The following SINHCAF variants were observed in gnomAD, a reference collection of about 807,000 sequenced individuals.
SINHCAF encodes SIN3-HDAC complex-associated factor.
A neutral mutation model predicts 25.8 loss-of-function variants in SINHCAF; 3 were observed. The ratio of observed to expected loss-of-function variants is 0.12; its 90% CI spans 0.05 to 0.30. SINHCAF has a LOEUF of 0.30. Among genes scored for constraint, SINHCAF ranks in the 10% least tolerant of loss-of-function variants. SINHCAF has a pLI of 1.00. For missense variants in SINHCAF, 121 were observed against 262.3 expected (o/e 0.46, Z 3.72); for synonymous variants, 70 against 85.5 (o/e 0.82, Z 1.00).
chr12:31,299,040 A>T (rs973915435), intron 1 of SINHCAF, among the ~76,000 whole-genome samples: 1 of 135,594 alleles, frequency 7.4e-6, no homozygotes, highest in African/African-American at 3.0e-5. Flanking sequence ...TCCTCCTGTT[A>T]AAAAAAAAAA....
At chr12:31,309,904 T>C (rs563282657) in intron 1 of SINHCAF, among the ~76,000 whole-genome samples, 1 of 152,170 alleles carries the variant, frequency 6.6e-6, no homozygotes, top group Admixed American at 6.5e-5. Flanking sequence ...CGAGCTCAGG[T>C]GATCCACCTG....
At chr12:31,302,646 CAG>C (rs911637169) in intron 1 of SINHCAF, among the ~76,000 whole-genome samples, 55 of 151,718 alleles carry the variant, frequency 3.6e-4, no homozygotes, top group African/African-American at 1.3e-3. Context: ...TTTTTTTAAA[CAG>C]GGGGATACCT....
At chr12:31,304,332 A>C (rs1938938750) in intron 1 of SINHCAF, 1 of 152,240 alleles carries the variant, frequency 6.6e-6, no homozygotes. Context: ...AAAGGCCTGC[A>C]TAAGCATGAT....
chr12:31,314,582 A>G (rs561894367), intron 1 of SINHCAF, among the ~76,000 whole-genome samples: 4 of 152,186 alleles, frequency 2.6e-5, no homozygotes, highest in African/African-American at 4.8e-5. Flanking sequence ...GGAGGCCCAA[A>G]GAGAGGTACT....
intron 1 of SINHCAF, chr12:31,323,984 T>G: frequency 2.2e-6 from 1 of 455,874 alleles, no homozygotes; most frequent in African/African-American, 2.0e-5. Flanking sequence ...CTCCGGTGAC[T>G]GCCGAGAGAG....
chr12:31,288,568 C>G (rs960360194), intron 4 of SINHCAF, among the ~76,000 whole-genome samples: 1 of 152,158 alleles, frequency 6.6e-6, no homozygotes, highest in African/African-American at 2.4e-5. Context: ...GGAGCCTCCC[C>G]CTCCCCCCAA....
chr12:31,324,018 G>T lies in SINHCAF; in HGVS notation c.-21+2006C>A, dbSNP rs754157048. Reference sequence around the variant, plus strand: ...AGACGCCGAGCCAGCAAGTAAGAATGCTCCCTGGTGGATTTGTTGGTAAAT... The same window carrying T: ...AGACGCCGAGCCAGCAAGTAAGAATTCTCCCTGGTGGATTTGTTGGTAAAT... On this transcript the variant is annotated intron_variant, in intron 1 of 5. Transcript: ENST00000337682. This position sits in a 1 kb window ranked among gnomAD's most constrained non-coding sequence, Gnocchi z 5.5. 4 of 455,558 alleles carry T rather than the reference G, an allele frequency of 8.8e-6. No homozygotes were observed. The highest frequency in any genetic ancestry group is 6.2e-5 in the South Asian group (4 of 64,542). The allele number at this position is 455,558 out of a possible 1,614,324, so 28.2% of individuals were successfully genotyped here.
rs1341685801 is a variant in SINHCAF, at chr12:31,324,012, A to G, written c.-21+2012T>C. ...CGAGAGAGACGCCGAGCCAGCAAGT[A>G]AGAATGCTCCCTGGTGGATTTGTTG... On this transcript the variant is annotated intron_variant, in intron 1 of 5. Transcript: ENST00000337682. The surrounding 1 kb of genome is among the most constrained non-coding windows in gnomAD (Gnocchi z 5.5). 1 of 452,766 alleles carries G rather than the reference A, an allele frequency of 2.2e-6. No homozygotes were observed. Among genetic ancestry groups the G allele is most frequent in the Non-Finnish European group, 4.4e-6 (1 of 226,694 alleles). The allele number at this position is 452,766 out of a possible 1,614,324, so 28.0% of individuals were successfully genotyped here.
At chr12:31,296,688 T>C (rs1337054453) in intron 2 of SINHCAF, among the ~76,000 whole-genome samples, 3 of 151,832 alleles carry the variant, frequency 2.0e-5, no homozygotes, top group Non-Finnish European at 4.4e-5. Context: ...ATCCTGTATC[T>C]ACAAAAAAAT....
intron 1 of SINHCAF, chr12:31,303,991 G>C (rs907482998): frequency 2.0e-5 from 3 of 152,128 alleles, no homozygotes; most frequent in Non-Finnish European, 4.4e-5. Context: ...CTACTGCACA[G>C]ACTCCTTGTC....
At chr12:31,315,191 A>C (rs1268098311) in intron 1 of SINHCAF, among the ~76,000 whole-genome samples, 3 of 152,198 alleles carry the variant, frequency 2.0e-5, no homozygotes, top group Admixed American at 2.0e-4. Context: ...GCAATAGTTG[A>C]GAATTTGGTT....
intron 1 of SINHCAF, among the ~76,000 whole-genome samples, chr12:31,312,356 T>TTG (rs369449635): frequency 8.6e-4 from 128 of 149,688 alleles, no homozygotes; most frequent in African/African-American, 1.8e-3. Flanking sequence ...TTTACGTATT[T>TTG]TGTGTGTGTG....
chr12:31,302,228 A>G (rs1009151437), intron 1 of SINHCAF, among the ~76,000 whole-genome samples: 5 of 152,048 alleles, frequency 3.3e-5, no homozygotes, highest in African/African-American at 1.2e-4. Flanking sequence ...TAAAATACTG[A>G]TTATGAACTG....
intron 1 of SINHCAF, among the ~76,000 whole-genome samples, chr12:31,305,943 G>A (rs917197311): frequency 6.6e-6 from 1 of 152,050 alleles, no homozygotes; most frequent in Non-Finnish European, 1.5e-5. Context: ...CAGGTGATCC[G>A]CCCGCCTCGG....
rs961748339 is a variant in SINHCAF, at chr12:31,281,232, T to G, written c.*1480A>C. The G allele has an allele frequency of 1.3e-5, 2 of 152,186 alleles. No homozygotes were observed. Among genetic ancestry groups the G allele is most frequent in the Non-Finnish European group, 2.9e-5 (2 of 68,028 alleles). 9.4% of individuals were successfully genotyped at this position (152,186 alleles called of 1,614,324 possible). A position where few individuals can be genotyped will look rare whatever the true frequency, so the allele number is the denominator to read the frequency against. ...AAAGAGGCAGTAAGAGTACTCTGGT[T>G]TGGGTTCAAGTGAGAGGCTTTTCAT... On this transcript the variant is annotated 3_prime_UTR_variant, in exon 6 of 6. Transcript: ENST00000337682.
chr12:31,284,866 A>C (rs920817006), intron 5 of SINHCAF, among the ~76,000 whole-genome samples: 5 of 152,034 alleles, frequency 3.3e-5, no homozygotes, highest in Non-Finnish European at 7.4e-5. Context: ...ATATGTCTTG[A>C]TTTCTGTTAG....
At chr12:31,304,452 G>A (rs1434377019) in intron 1 of SINHCAF, 1 of 152,136 alleles carries the variant, frequency 6.6e-6, no homozygotes, top group Non-Finnish European at 1.5e-5. Flanking sequence ...GCAGGGACCT[G>A]GAAAAGATGA....
At chr12:31,318,561 A>T (rs2137134883) in intron 1 of SINHCAF, among the ~76,000 whole-genome samples, 1 of 152,314 alleles carries the variant, frequency 6.6e-6, no homozygotes, top group South Asian at 2.1e-4. Flanking sequence ...TCTTCAACTG[A>T]AATGGCATAG....
intron 1 of SINHCAF, among the ~76,000 whole-genome samples, chr12:31,308,103 G>A (rs1270344280): frequency 6.6e-6 from 1 of 152,122 alleles, no homozygotes; most frequent in African/African-American, 2.4e-5. Context: ...ACCACATCTG[G>A]CTAATTTTTG....
Sources: allele counts gnomAD v4.1 joint callset (sites outside exome capture counted in the v4.1 genomes callset), GRCh38; gene constraint gnomAD v4.1.1; non-coding constraint Gnocchi (gnomAD v3.1); transcripts MANE v1.5; gene names NCBI Gene and HGNC (gene_info 2026-07-23, HGNC 2026-07-21).